CCDC171: variants seen among roughly 807,000 people sequenced by gnomAD.
CCDC171 encodes the protein coiled-coil domain-containing protein 171.
A neutral mutation model predicts 168.2 loss-of-function variants in CCDC171; 177 were observed. The observed-to-expected ratio is 1.05, with a 90% CI of 0.93 to 1.19. The LOEUF is 1.19. CCDC171 is among the 50% of genes most tolerant of loss of function. CCDC171 has a pLI of 0.00. For missense variants in CCDC171, 1,991 were observed against 1,539.0 expected, an observed-to-expected ratio of 1.29 and a Z score of -4.91; for synonymous variants, 687 against 540.8, an observed-to-expected ratio of 1.27 and a Z score of -3.75.
chr9:16,035,531 T>C (rs959576922), intron 7 of CCDC171: 1 of 152,216 alleles, frequency 6.6e-6, no homozygotes, highest in Non-Finnish European at 1.5e-5. Flanking sequence ...TCTTGGTATG[T>C]ATGCTAATTC....
At chr9:15,591,703 A>G (rs759124344) in intron 5 of CCDC171, 147 bp downstream of exon 5, 7 of 572,850 alleles carry the variant, frequency 1.2e-5, no homozygotes, top group Non-Finnish European at 2.1e-5. Flanking sequence ...TTAGGGGCAT[A>G]TTTGCTGGTC....
intron 25 of CCDC171, among the ~76,000 whole-genome samples, chr9:15,952,840 T>C (rs943938177): frequency 6.6e-6 from 1 of 152,230 alleles, no homozygotes. Flanking sequence ...CATTTCTTCA[T>C]GTTTTTAATG....
chr9:15,683,823 A>G (rs957959874), intron 10 of CCDC171, among the ~76,000 whole-genome samples: 3 of 152,102 alleles, frequency 2.0e-5, no homozygotes, highest in African/African-American at 4.8e-5. Context: ...AGATTGCGAG[A>G]GAGATGTTTA....
chr9:15,614,430 A>C (rs2043936489), intron 6 of CCDC171, among the ~76,000 whole-genome samples: 1 of 152,324 alleles, frequency 6.6e-6, no homozygotes, highest in Admixed American at 6.5e-5. Context: ...CACATATCTC[A>C]CTATTCTTAT....
intron 18 of CCDC171, among the ~76,000 whole-genome samples, chr9:15,766,534 C>G (rs952232227): frequency 4.0e-5 from 6 of 151,876 alleles, no homozygotes; most frequent in Non-Finnish European, 5.9e-5. Flanking sequence ...TTGGAGAAAA[C>G]AAATAAGGCA....
chr9:15,868,648 G>C (rs1282982171), intron 23 of CCDC171, among the ~76,000 whole-genome samples: 2 of 151,928 alleles, frequency 1.3e-5, no homozygotes, highest in African/African-American at 2.4e-5. Flanking sequence ...CCAGACAATA[G>C]ATATAAAGAA....
chr9:15,916,837 G>C (rs1824595277), intron 24 of CCDC171, among the ~76,000 whole-genome samples: 1 of 151,892 alleles, frequency 6.6e-6, no homozygotes, highest in Non-Finnish European at 1.5e-5. Flanking sequence ...GGCTATTCTT[G>C]TTCAGAAACT....
At chr9:15,773,170 C>A (rs1318331131) in intron 18 of CCDC171, among the ~76,000 whole-genome samples, 1 of 152,084 alleles carries the variant, frequency 6.6e-6, no homozygotes, top group Admixed American at 6.6e-5. Flanking sequence ...GCTCTCTCTT[C>A]CACATAATAG....
intron 18 of CCDC171, among the ~76,000 whole-genome samples, chr9:15,751,914 C>T (rs1033490100): frequency 2.6e-5 from 4 of 152,112 alleles, no homozygotes; most frequent in African/African-American, 9.7e-5. Context: ...CAAATGGAAT[C>T]TAATTAAACT....
intron 25 of CCDC171, among the ~76,000 whole-genome samples, chr9:15,955,786 T>A (rs1358394894): frequency 6.6e-6 from 1 of 152,132 alleles, no homozygotes; most frequent in Non-Finnish European, 1.5e-5. Flanking sequence ...ATATTACATT[T>A]TTAATAAGAT....
chr9:15,986,956 C>A (rs1832009395), intron 3 of CCDC171, among the ~76,000 whole-genome samples: 1 of 151,602 alleles, frequency 6.6e-6, no homozygotes, highest in Non-Finnish European at 1.5e-5. Context: ...AGAAAAAAAA[C>A]CTACATTGTT....
intron 7 of CCDC171, among the ~76,000 whole-genome samples, chr9:15,630,877 C>T (rs1207073356): frequency 6.6e-6 from 1 of 152,200 alleles, no homozygotes; most frequent in Non-Finnish European, 1.5e-5. Flanking sequence ...TCACTCAAAA[C>T]TGCTCAACTA....
chr9:16,038,866 C>CAAAAAAAAAA (rs375463651), upstream of CCDC171, among the ~76,000 whole-genome samples: 3 of 50,430 alleles, frequency 5.9e-5, no homozygotes, highest in African/African-American at 1.5e-4. Flanking sequence ...CCTATCAGGC[C>CAAAAAAAAAA]AAAAAAAAAA....
At chr9:15,794,154 C>T (rs2058428376) in intron 21 of CCDC171, among the ~76,000 whole-genome samples, 2 of 151,984 alleles carry the variant, frequency 1.3e-5, no homozygotes, top group Non-Finnish European at 2.9e-5. Context: ...AAGTTATCTT[C>T]CTGCATTATG....
chr9:15,578,595 C>T (rs1038044159), intron 3 of CCDC171, among the ~76,000 whole-genome samples: 5 of 151,346 alleles, frequency 3.3e-5, no homozygotes, highest in African/African-American at 7.3e-5. Flanking sequence ...CTGATTAAAA[C>T]GTAATTTATC....
At chr9:15,602,345 T>A (rs1291061070) in intron 6 of CCDC171, among the ~76,000 whole-genome samples, 1 of 152,194 alleles carries the variant, frequency 6.6e-6, no homozygotes, top group African/African-American at 2.4e-5. Flanking sequence ...AGTGTTCTCT[T>A]TGTGTAGCTC....
intron 1 of CCDC171, among the ~76,000 whole-genome samples, chr9:16,046,796 G>A (rs988747595): frequency 3.9e-5 from 6 of 152,174 alleles, no homozygotes; most frequent in Admixed American, 1.3e-4. Context: ...CCCCAGCCAC[G>A]TGGAGCTGTG....
At chr9:15,594,604 G>A (rs1012294674) in intron 6 of CCDC171, among the ~76,000 whole-genome samples, 1 of 151,968 alleles carries the variant, frequency 6.6e-6, no homozygotes, top group Non-Finnish European at 1.5e-5. Flanking sequence ...CCTGAAATAC[G>A]CAGAATCCCC....
At chr9:15,575,157 CTTT>C (rs57272096) in intron 3 of CCDC171, among the ~76,000 whole-genome samples, 390 of 86,902 alleles carry the variant, frequency 4.5e-3, no homozygotes, top group African/African-American at 0.015. Flanking sequence ...GACATAACTA[CTTT>C]TTTTTTTTTT....
Sources: allele counts gnomAD v4.1 joint callset (sites outside exome capture counted in the v4.1 genomes callset), GRCh38; gene constraint gnomAD v4.1.1; transcripts MANE v1.5; gene names NCBI Gene and HGNC (gene_info 2026-07-23, HGNC 2026-07-21).